The following VIPR2 variants were observed in gnomAD, a reference collection of about 807,000 sequenced individuals.
VIPR2 encodes the protein vasoactive intestinal polypeptide receptor 2.
Under a neutral mutation model 58.0 loss-of-function variants are expected in VIPR2, and 48 were observed. That is an observed-to-expected ratio of 0.83 (90% CI 0.66 to 1.05). The LOEUF (loss-of-function observed/expected upper bound fraction) is 1.05, where lower values mean the gene tolerates loss of function less well. VIPR2 is among the 50% of genes least tolerant of loss of function. The pLI is 0.00. For missense variants in VIPR2, 534 were observed against 558.0 expected, an observed-to-expected ratio of 0.96 and a Z score of 0.43; for synonymous variants, 243 against 235.2, an observed-to-expected ratio of 1.03 and a Z score of -0.30.
intron 3 of VIPR2, among the ~76,000 whole-genome samples, chr7:159,107,666 C>T (rs1795807321): frequency 6.6e-6 from 1 of 151,576 alleles, no homozygotes; most frequent in South Asian, 2.1e-4. Flanking sequence ...GGGTTAGGAC[C>T]TGAAGGAGCT....
chr7:159,142,403 G>A (rs769051151), intron 2 of VIPR2, 43 bp downstream of exon 2: 8 of 1,472,788 alleles, frequency 5.4e-6, no homozygotes, highest in Admixed American at 1.7e-5. Flanking sequence ...ATTCCCGGGT[G>A]AGAATGTCAC....
At chr7:159,142,375 C>T in intron 2 of VIPR2, 71 bp downstream of exon 2, 1 of 1,182,142 alleles carries the variant, frequency 8.5e-7, no homozygotes, top group Non-Finnish European at 1.2e-6. Flanking sequence ...GACCCTGAAC[C>T]ACAGCTGAGT....
At chr7:159,030,877 C>T (rs1321979732) in intron 12 of VIPR2, 88 bp from the exon 13 acceptor site, 2 of 1,397,718 alleles carry the variant, frequency 1.4e-6, no homozygotes, top group African/African-American at 3.0e-5. Flanking sequence ...GCCTCCAGCT[C>T]TCCCTCCCGC....
At chr7:159,061,500 A>G (rs1855650175) in intron 4 of VIPR2, among the ~76,000 whole-genome samples, 1 of 151,856 alleles carries the variant, frequency 6.6e-6, no homozygotes. Flanking sequence ...AAATGGAAAA[A>G]TAATTAGCCG....
chr7:159,070,806 C>T (rs1416466256), intron 4 of VIPR2, among the ~76,000 whole-genome samples: 1 of 152,224 alleles, frequency 6.6e-6, no homozygotes, highest in African/African-American at 2.4e-5. Flanking sequence ...CCCGTGCTTT[C>T]AAGCATTTAA....
intron 2 of VIPR2, among the ~76,000 whole-genome samples, chr7:159,115,087 T>G (rs1796188362): frequency 2.0e-5 from 3 of 152,212 alleles, no homozygotes; most frequent in Admixed American, 2.0e-4. Flanking sequence ...CATGGCCATT[T>G]AAATGAAAGC....
chr7:159,029,430 A>G lies in VIPR2; in HGVS notation c.*1186T>C, dbSNP rs1442524905. 3 of 152,384 alleles carry G rather than the reference A, an allele frequency of 2.0e-5. No homozygotes were observed. Among genetic ancestry groups the G allele is most frequent in the African/African-American group, 7.2e-5 (3 of 41,590 alleles). The allele number at this position is 152,384 out of a possible 1,614,324, so 9.4% of individuals were successfully genotyped here. A position where few individuals can be genotyped will look rare whatever the true frequency, so the allele number is the denominator to read the frequency against. Reference sequence around the variant, plus strand: ...CAAACCACCCTTCGCCTGAAGGAGCAGCCGCTAGGGCTGCTGAGCGCCAGC... The same window carrying G: ...CAAACCACCCTTCGCCTGAAGGAGCGGCCGCTAGGGCTGCTGAGCGCCAGC... On this transcript the variant is annotated 3_prime_UTR_variant, in exon 13 of 13. Transcript: ENST00000262178.
rs569667823 is a variant in VIPR2 at position 159,116,908 on chromosome 7, G to A, written c.152-6989C>T. 4.4e-5 allele frequency: 8 copies of A among 182,498 alleles called. No homozygotes were observed. In the South Asian group the frequency reaches 6.0e-4, roughly 14 times the overall value. The allele number at this position is 182,498 out of a possible 1,614,324, so 11.3% of individuals were successfully genotyped here. On this transcript the variant is annotated intron_variant, in intron 2 of 12. Coordinates refer to ENST00000262178, the MANE Select transcript of VIPR2 (RefSeq NM_003382.5). ...GGAAGTCCTGGCTCTTACAGATGACGTTATAGGTGTTACTTTGAGCTCTGG... is the reference window on the plus strand; with the variant it reads ...GGAAGTCCTGGCTCTTACAGATGACATTATAGGTGTTACTTTGAGCTCTGG...
chr7:159,099,955 G>A lies in VIPR2; in HGVS notation c.357+3802C>T, dbSNP rs56832489. Among the ~76,000 whole-genome samples the A allele has an allele frequency of 0.011, 1,642 of 152,232 alleles. 34 individuals carry two copies. The highest frequency in any genetic ancestry group is 0.037 in the African/African-American group (1,536 of 41,536). On this transcript the variant is annotated intron_variant, in intron 4 of 12. Transcript: ENST00000262178. This position sits in a 1 kb window ranked among gnomAD's most constrained non-coding sequence, Gnocchi z 4.2. ...AGCTGGGTGCAGCCATGCGCCCCAG[G>A]ATCCTCCCTGAGGACCTTCCTCAAG...
At chr7:159,141,536 C>T (rs1017716721) in intron 2 of VIPR2, among the ~76,000 whole-genome samples, 1 of 152,270 alleles carries the variant, frequency 6.6e-6, no homozygotes, top group Non-Finnish European at 1.5e-5. Flanking sequence ...ACAAAAAACA[C>T]ACTGGACTTC....
chr7:159,033,966 C>T (rs1198205833), intron 10 of VIPR2, among the ~76,000 whole-genome samples: 1 of 152,224 alleles, frequency 6.6e-6, no homozygotes, highest in Non-Finnish European at 1.5e-5. Context: ...TGCAGAATCA[C>T]ACCCTATCTA....
At chr7:159,089,795 A>C (rs889316414) in intron 4 of VIPR2, among the ~76,000 whole-genome samples, 3 of 152,274 alleles carry the variant, frequency 2.0e-5, no homozygotes, top group Non-Finnish European at 4.4e-5. Context: ...CACTGCATAC[A>C]GGATGGCAGG....
chr7:159,081,627 T>C (rs960902547), intron 4 of VIPR2, among the ~76,000 whole-genome samples: 6 of 152,094 alleles, frequency 3.9e-5, no homozygotes, highest in Non-Finnish European at 8.8e-5. Flanking sequence ...TGGGATCTAA[T>C]TAAACTAAAG....
At chr7:159,082,182 A>C (rs974322338) in intron 4 of VIPR2, among the ~76,000 whole-genome samples, 5 of 152,234 alleles carry the variant, frequency 3.3e-5, no homozygotes, top group Non-Finnish European at 2.9e-5. Context: ...TTACTGTGGC[A>C]CTATTCACAA....
intron 4 of VIPR2, among the ~76,000 whole-genome samples, chr7:159,068,785 A>G (rs959989088): frequency 2.0e-5 from 3 of 152,176 alleles, no homozygotes; most frequent in Non-Finnish European, 4.4e-5. Flanking sequence ...CTCCTTTCCA[A>G]TTTCCTTTCT....
rs1197329800 is a variant in VIPR2 at position 159,030,682 on chromosome 7, G to A, written c.1251C>T (p.Gly417=). ...GGGAGCCGCGGTGGAACTGCAGGGC[G>A]CCCTCCGAGCCGTTGCGGGAGAAGG... ...GSSFSRNGSE[G]ALQFHRGSRA... The change falls in exon 13 of 13, where the codon GGC becomes GGT. Residue 417 remains glycine (G), a synonymous_variant. Transcript: ENST00000262178. 1.0e-5 allele frequency: 16 copies of A among 1,569,896 alleles called. 1 individual carries two copies. Among genetic ancestry groups the A allele is most frequent in the South Asian group, 5.8e-5 (5 of 85,606 alleles).
intron 5 of VIPR2, among the ~76,000 whole-genome samples, chr7:159,053,440 T>C (rs1439024486): frequency 6.6e-6 from 1 of 152,244 alleles, no homozygotes; most frequent in African/African-American, 2.4e-5. Flanking sequence ...GGATCTACTA[T>C]GATCACAGGT....
intron 2 of VIPR2, among the ~76,000 whole-genome samples, chr7:159,137,636 G>T (rs1246372983): frequency 2.0e-5 from 3 of 152,196 alleles, no homozygotes; most frequent in East Asian, 1.9e-4. Context: ...CTCCCAAAGT[G>T]CTGGGGTTAC....
At chr7:159,137,924 T>C (rs1228361736) in intron 2 of VIPR2, among the ~76,000 whole-genome samples, 3 of 152,250 alleles carry the variant, frequency 2.0e-5, no homozygotes, top group Non-Finnish European at 4.4e-5. Context: ...AACTGACGTC[T>C]ACACCATCAA....
Sources: gnomAD v4.1 joint callset for allele counts (sites outside exome capture counted in the v4.1 genomes callset) on GRCh38, gnomAD v4.1.1 for gene constraint, Gnocchi (gnomAD v3.1) non-coding constraint, MANE v1.5 for transcripts, NCBI Gene and HGNC (gene_info 2026-07-23, HGNC 2026-07-21) for gene names.